ATIC: variants seen among roughly 807,000 people sequenced by gnomAD.
The protein encoded by ATIC is bifunctional purine biosynthesis protein ATIC.
In ATIC, 64 loss-of-function variants were observed where a neutral mutation model predicts 72.5. That is an observed-to-expected ratio of 0.88 (90% CI 0.72 to 1.09). ATIC has a LOEUF of 1.09. ATIC is among the 50% of genes least tolerant of loss of function. The probability of loss-of-function intolerance (pLI) is 0.00; values close to 1 mark genes in which losing one functional copy is unlikely to be tolerated. For synonymous variants in ATIC, 281 were observed against 267.1 expected (o/e 1.05, Z -0.51); for missense variants, 787 against 732.4 (o/e 1.07, Z -0.86).
chr2:215,318,130 G>C, intron 2 of ATIC, 27 bp from the exon 3 acceptor site: 1 of 1,593,472 alleles, frequency 6.3e-7, no homozygotes, highest in Non-Finnish European at 8.6e-7. Flanking sequence ...CACACCAGTA[G>C]TACCATTCTG....
rs770158406 is a variant in ATIC at position 215,335,009 on chromosome 2, G to A, written c.1008+5G>A. On this transcript the variant is annotated splice_donor_5th_base_variant and intron_variant, in intron 10 of 15. Coordinates refer to ENST00000236959, the MANE Select transcript of ATIC (RefSeq NM_004044.7). ...GCAAAAATTATTTCCAGAGAAGTTA[G>A]TGGACATTCATGTATCTTAATCTGT... 6.2e-7 allele frequency: 1 copy of A among 1,606,400 alleles called. No homozygotes were observed. The highest frequency in any genetic ancestry group is 1.1e-5 in the South Asian group (1 of 90,878).
Position 215,333,421 on chromosome 2 carries a change from C to A in ATIC, c.886C>A (p.Leu296Ile), listed in dbSNP as rs374860324. The change falls in exon 9 of 16, where the codon CTC becomes ATC. Residue 296 changes from leucine (L) to isoleucine (I), a missense_variant. By Grantham distance (5) the Leu-to-Ile change is conservative (BLOSUM62 2). Coordinates refer to ENST00000236959, the MANE Select transcript of ATIC (RefSeq NM_004044.7). Reference protein sequence around the residue: ...VCMVYDLYKTLTPISAAYARA... With the variant: ...VCMVYDLYKTITPISAAYARA... ...CATGGTTTATGATCTCTATAAAACC[C>A]TCACACCCATCTCAGCGGCATATGC... 1.2e-6 allele frequency: 2 copies of A among 1,613,930 alleles called. No individual in the cohort carries two copies. The highest frequency in any genetic ancestry group is 2.7e-5 in the African/African-American group (2 of 74,878).
chr2:215,358,671 A>T, the ATIC span, among the ~76,000 whole-genome samples: 1 of 152,256 alleles, frequency 6.6e-6, no homozygotes, highest in Non-Finnish European at 1.5e-5. Flanking sequence ...TGCTAAAAGA[A>T]AAGGCCTTGT....
intron 14 of ATIC, chr2:215,347,362 C>T: frequency 2.7e-6 from 1 of 371,870 alleles, no homozygotes; most frequent in South Asian, 2.2e-5. Flanking sequence ...CTGGGGTCTT[C>T]TCCCACCACA....
Position 215,314,787 on chromosome 2 carries a change from C to T in ATIC, c.146+2163C>T, listed in dbSNP as rs116630701. ...GATTACAGGTGTGAGCCACCGCACC[C>T]GAGGCCAAGATTTTGTAGGGGTGGA... is the stretch of plus-strand genomic sequence containing the variant. On this transcript the variant is annotated intron_variant, in intron 2 of 15. Transcript: ENST00000236959. 8.8e-3 allele frequency among the ~76,000 whole-genome samples: 1,336 copies of T among 151,986 alleles called. 19 individuals are homozygous for T. Among genetic ancestry groups the T allele is most frequent in the African/African-American group, 0.03 (1,261 of 41,424 alleles).
the ATIC span, among the ~76,000 whole-genome samples, chr2:215,357,025 G>A: frequency 9.2e-5 from 14 of 152,232 alleles, no homozygotes; most frequent in East Asian, 1.9e-4. Flanking sequence ...CACAGCAGCC[G>A]CACCGTTTTA....
chr2:215,337,986 T>G (rs2052975388), intron 11 of ATIC, among the ~76,000 whole-genome samples: 1 of 152,200 alleles, frequency 6.6e-6, no homozygotes, highest in African/African-American at 2.4e-5. Flanking sequence ...TTTTAGAAAT[T>G]TTATAGTGCA....
chr2:215,318,083 C>CTTCAA (rs1575113241), intron 2 of ATIC, 74 bp from the exon 3 acceptor site: 15 of 1,313,224 alleles, frequency 1.1e-5, no homozygotes, highest in Non-Finnish European at 1.5e-5. Flanking sequence ...GAAATGAAAA[C>CTTCAA]AGTAGATGCT....
downstream of ATIC, among the ~76,000 whole-genome samples, chr2:215,350,282 ATG>A (rs2053120423): frequency 6.6e-6 from 1 of 152,142 alleles, no homozygotes; most frequent in Non-Finnish European, 1.5e-5. Flanking sequence ...GACTACAGGC[ATG>A]TGCCACCATG....
In ATIC at chr2:215,314,699, C is replaced by T. The variant is rs111799079; in HGVS notation, c.146+2075C>T. Among the ~76,000 whole-genome samples, 135 of 152,136 alleles carry T rather than the reference C, an allele frequency of 8.9e-4. 1 individual carries two copies. Among genetic ancestry groups the T allele is most frequent in the African/African-American group, 3.1e-3 (130 of 41,518 alleles). ...TATTTTTGGTAGAGACAGAGTTTCA[C>T]CATGTTGGCCAGGCTGATCTCGAAC... is the stretch of plus-strand genomic sequence containing the variant. On this transcript the variant is annotated intron_variant, in intron 2 of 15. Transcript: ENST00000236959.
intron 12 of ATIC, among the ~76,000 whole-genome samples, chr2:215,339,194 C>T (rs1201050646): frequency 2.6e-5 from 4 of 152,154 alleles, no homozygotes; most frequent in African/African-American, 9.7e-5. Flanking sequence ...GGCTTTTTTC[C>T]ATGTGCTAGG....
the ATIC span, chr2:215,362,208 C>A: frequency 1.4e-6 from 1 of 714,450 alleles, no homozygotes; most frequent in South Asian, 1.5e-5. Flanking sequence ...AATCACTAAG[C>A]AAGCTTTGAT....
rs369718443 is a variant in ATIC at position 215,326,806 on chromosome 2, C to T, written c.532-16C>T. 5 of 1,613,694 alleles carry T rather than the reference C, an allele frequency of 3.1e-6. No homozygotes were observed. Among genetic ancestry groups the T allele is most frequent in the African/African-American group, 2.7e-5 (2 of 74,874 alleles). ...AAAGTGCTGCTCGTGTCTCACAAAA[C>T]TTACGCTTTTTGTAGGCATTCACTC... On this transcript the variant is annotated splice_polypyrimidine_tract_variant and intron_variant, in intron 6 of 15. Transcript: ENST00000236959.
the ATIC span, among the ~76,000 whole-genome samples, chr2:215,365,289 G>T: frequency 6.6e-6 from 1 of 152,102 alleles, no homozygotes; most frequent in African/African-American, 2.4e-5. Context: ...AAAATACTCA[G>T]GTTGGACAAG....
At chr2:215,343,583 G>A (rs1280856881) in intron 12 of ATIC, among the ~76,000 whole-genome samples, 2 of 152,164 alleles carry the variant, frequency 1.3e-5, no homozygotes, top group Non-Finnish European at 2.9e-5. Context: ...TGGTCCACCC[G>A]CCTTGGCCTC....
intron 12 of ATIC, among the ~76,000 whole-genome samples, chr2:215,342,013 A>ACT (rs1162186471): frequency 6.6e-6 from 1 of 151,280 alleles, no homozygotes; most frequent in Non-Finnish European, 1.5e-5. Context: ...CCAGACGCTT[A>ACT]CTGTCAGATC....
At chr2:215,361,711 A>G in the ATIC span, 29 of 1,104,156 alleles carry the variant, frequency 2.6e-5, no homozygotes, top group Non-Finnish European at 3.5e-5. Flanking sequence ...GTGGGGACTC[A>G]TGACAGCTGC....
chr2:215,363,271 G>T, the ATIC span: 3 of 152,178 alleles, frequency 2.0e-5, no homozygotes, highest in African/African-American at 4.8e-5. Flanking sequence ...ATGCTGAAGT[G>T]AGACCAAAAT....
chr2:215,343,756 C>T (rs2053043992), intron 12 of ATIC, among the ~76,000 whole-genome samples: 1 of 152,182 alleles, frequency 6.6e-6, no homozygotes, highest in African/African-American at 2.4e-5. Context: ...AATGAGGAAT[C>T]TTTTACAGAG....
Sources: allele counts gnomAD v4.1 joint callset (sites outside exome capture counted in the v4.1 genomes callset), GRCh38; gene constraint gnomAD v4.1.1; transcripts MANE v1.5; gene names NCBI Gene and HGNC (gene_info 2026-07-23, HGNC 2026-07-21).